Variants in CR1 observed in about 807,000 individuals in gnomAD.
CR1 encodes the protein complement C3b/C4b receptor 1 (Knops blood group).
CR1 carries 116 observed loss-of-function variants against 187.3 expected under a neutral mutation model. The observed-to-expected ratio is 0.62, with a 90% CI of 0.53 to 0.72. The LOEUF (loss-of-function observed/expected upper bound fraction) is 0.72. Ranked by LOEUF, CR1 falls within the 30% of genes least tolerant of loss-of-function variation. CR1 has a pLI of 0.00. For synonymous variants in CR1, 576 were observed against 747.1 expected (o/e 0.77, Z 3.73); for missense variants, 1,731 against 2,110.7 (o/e 0.82, Z 3.52).
intron 35 of CR1, among the ~76,000 whole-genome samples, chr1:207,591,399 C>A (rs941770318): frequency 6.6e-6 from 1 of 152,054 alleles, no homozygotes; most frequent in Non-Finnish European, 1.5e-5. Context: ...TCTTTGAAAC[C>A]GATGAAAACA....
chr1:207,628,768 T>C (rs1662558267), intron 45 of CR1, among the ~76,000 whole-genome samples: 1 of 152,236 alleles, frequency 6.6e-6, no homozygotes, highest in Admixed American at 6.5e-5. Flanking sequence ...ATATTCTTTT[T>C]CTCCCTATAT....
At chr1:207,520,189 T>A (rs1659930963) in intron 4 of CR1, among the ~76,000 whole-genome samples, 1 of 152,236 alleles carries the variant, frequency 6.6e-6, no homozygotes, top group Non-Finnish European at 1.5e-5. Context: ...CTTAATGCCC[T>A]TTCTAGTTCT....
chr1:207,631,136 T>C (rs1662634337), intron 46 of CR1, among the ~76,000 whole-genome samples: 1 of 152,194 alleles, frequency 6.6e-6, no homozygotes, highest in Non-Finnish European at 1.5e-5. Flanking sequence ...ACCTAACCTT[T>C]CATTCTACCT....
chr1:207,616,602 T>A lies in CR1; in HGVS notation c.6689T>A (p.Ile2230Asn), dbSNP rs745750052. ...EQIFCPNPPA[I>N]LNGRHTGTPF... ...ATCTTTTGTCCAAATCCTCCAGCTA[T>A]CCTTAATGGGAGACACACAGGAACT... Residue 2230 changes from isoleucine (I) to asparagine (N), a missense_variant, in exon 41 of 47, where the codon ATC becomes AAC. Physicochemically the swap from Ile to Asn is moderately radical, Grantham distance 149 (BLOSUM62 -3). Around this residue, in one of 5 missense-constraint regions of CR1, gnomAD observed 1,312 missense variants for 1,379.6 expected, o/e 0.95. Transcript: ENST00000367049. 3 of 1,613,668 alleles carry A rather than the reference T, an allele frequency of 1.9e-6. No individual in the cohort carries two copies. Among genetic ancestry groups the A allele is most frequent in the Admixed American group, 1.7e-5 (1 of 59,996 alleles).
intron 33 of CR1, among the ~76,000 whole-genome samples, chr1:207,586,587 T>A (rs942363963): frequency 6.6e-6 from 1 of 152,246 alleles, no homozygotes; most frequent in Non-Finnish European, 1.5e-5. Flanking sequence ...GAAATTGAGA[T>A]GTTGGCAGAG....
intron 35 of CR1, among the ~76,000 whole-genome samples, chr1:207,603,873 C>G (rs1571584079): frequency 6.6e-6 from 1 of 152,294 alleles, no homozygotes; most frequent in South Asian, 2.1e-4. Flanking sequence ...GAGATGAGGA[C>G]TTCACTAACT....
Position 207,617,507 on chromosome 1 carries a change from A to ATATATGTGTG in CR1, c.6890-563_6890-562insATATGTGTGT, listed in dbSNP as rs1332301171. Among the ~76,000 whole-genome samples, 21 of 47,026 alleles carry ATATATGTGTG rather than the reference A, an allele frequency of 4.5e-4. 1 individual carries two copies. The highest frequency in any genetic ancestry group is 1.4e-3 in the East Asian group (3 of 2,180). The allele number at this position is 47,026 out of a possible 152,430, so 30.9% of individuals were successfully genotyped here. A position where few individuals can be genotyped will look rare whatever the true frequency, so the allele number is the denominator to read the frequency against. On this transcript the variant is annotated intron_variant, in intron 41 of 46. Coordinates refer to ENST00000367049, the MANE Select transcript of CR1 (RefSeq NM_000651.6). ...AGTATATATATATATATATATATAT[A>ATATATGTGTG]TGTGTGTGTGTGTGTGTGTGTGTGT...
chr1:207,600,024 A>G (rs1356128802), intron 35 of CR1, among the ~76,000 whole-genome samples: 1 of 152,230 alleles, frequency 6.6e-6, no homozygotes, highest in Non-Finnish European at 1.5e-5. Flanking sequence ...GCCAGATAGC[A>G]AAATTTTCAA....
chr1:207,576,976 C>T (rs1045278135), intron 28 of CR1, among the ~76,000 whole-genome samples: 21 of 152,134 alleles, frequency 1.4e-4, no homozygotes, highest in African/African-American at 5.1e-4. Context: ...ATAGGCTAGG[C>T]ACAGTGGCTC....
At position 207,506,801 on chromosome 1, in the gene CR1, C is replaced by A; in HGVS notation, c.389C>A (p.Ser130Tyr). 6.2e-7 allele frequency: 1 copy of A among 1,612,762 alleles called. No homozygotes were observed. The highest frequency in any genetic ancestry group is 8.5e-7 in the Non-Finnish European group (1 of 1,178,984). The part of the protein sequence containing the change: ...GIQFGSQIKY[S>Y]CTKGYRLIGS... ...CAGTTCGGATCCCAAATTAAATATT[C>A]TTGTACTAAAGGGTGAGTTGGCATC... is the stretch of plus-strand genomic sequence containing the variant. The change falls in exon 3 of 47, where the codon TCT becomes TAT. Residue 130 changes from serine (S) to tyrosine (Y), a missense_variant. Ser to Tyr is a moderately radical substitution (Grantham distance 144). This residue lies in a region of CR1 where 237 missense variants were observed against 240.4 expected (regional missense o/e 0.99). Coordinates refer to ENST00000367049, the MANE Select transcript of CR1 (RefSeq NM_000651.6).
chr1:207,520,355 GTGA>G (rs1178112968), intron 4 of CR1, among the ~76,000 whole-genome samples: 1 of 152,202 alleles, frequency 6.6e-6, no homozygotes, highest in East Asian at 1.9e-4. Flanking sequence ...ATATGCTGCC[GTGA>G]CCACCTCTCA....
chr1:207,593,941 A>T (rs1661352989), intron 35 of CR1, among the ~76,000 whole-genome samples: 1 of 152,234 alleles, frequency 6.6e-6, no homozygotes, highest in South Asian at 2.1e-4. Flanking sequence ...ATCACTAAAA[A>T]GTCAGGAAAC....
chr1:207,596,485 A>G (rs1029674525), intron 35 of CR1, among the ~76,000 whole-genome samples: 1 of 152,000 alleles, frequency 6.6e-6, no homozygotes, highest in Admixed American at 6.6e-5. Flanking sequence ...GTGGTGGCGC[A>G]TGCCTGTAAT....
chr1:207,575,691 A>G lies in CR1; in HGVS notation c.4537+11A>G. 6.2e-7 allele frequency: 1 copy of G among 1,611,802 alleles called. No homozygotes were observed. Among genetic ancestry groups the G allele is most frequent in the South Asian group, 1.1e-5 (1 of 90,994 alleles). ...CGCCAATTTGTCAACGTGAGTTGAA[A>G]TCTCTTTCCCCATTCACCCCACCAT... On this transcript the variant is annotated intron_variant, in intron 28 of 46. Coordinates refer to ENST00000367049, the MANE Select transcript of CR1 (RefSeq NM_000651.6).
chr1:207,595,594 G>A (rs1257449496), intron 35 of CR1, among the ~76,000 whole-genome samples: 2 of 152,034 alleles, frequency 1.3e-5, no homozygotes, highest in South Asian at 2.1e-4. Flanking sequence ...TTCTGTACTC[G>A]GCCAAGCTGC....
rs909245410 is a variant in CR1 at position 207,641,751 on chromosome 1, T to C, written c.*2342T>C. 6.6e-6 allele frequency: 1 copy of C among 152,200 alleles called. No individual in the cohort carries two copies. The highest frequency in any genetic ancestry group is 1.5e-5 in the Non-Finnish European group (1 of 68,046). The allele number at this position is 152,200 out of a possible 1,614,324, so 9.4% of individuals were successfully genotyped here. A position where few individuals can be genotyped will look rare whatever the true frequency, so the allele number is the denominator to read the frequency against. On this transcript the variant is annotated 3_prime_UTR_variant, in exon 47 of 47. Coordinates refer to ENST00000367049, the MANE Select transcript of CR1 (RefSeq NM_000651.6). ...GTAATGAGAAAGGAATAAAATACTT[T>C]ATTTTGCAAATCTACTTATGGAATA...
At chr1:207,593,992 T>G (rs1315285990) in intron 35 of CR1, among the ~76,000 whole-genome samples, 1 of 152,224 alleles carries the variant, frequency 6.6e-6, no homozygotes, top group Non-Finnish European at 1.5e-5. Flanking sequence ...GAAATGCTTT[T>G]ACACTGTTGG....
chr1:207,510,614 C>A lies in CR1; in HGVS notation c.402-955C>A, dbSNP rs187894706. Reference sequence around the variant, plus strand: ...TTCCAAATTTATGGCACACTGTGAACAGTTTGAGACATACTAATTGAGAAT... The same window carrying A: ...TTCCAAATTTATGGCACACTGTGAAAAGTTTGAGACATACTAATTGAGAAT... On this transcript the variant is annotated intron_variant, in intron 3 of 46. Coordinates refer to ENST00000367049, the MANE Select transcript of CR1 (RefSeq NM_000651.6). 3.3e-5 allele frequency among the ~76,000 whole-genome samples: 5 copies of A among 152,262 alleles called. No individual in the cohort carries two copies. The East Asian group carries it at 9.7e-4, about 29-fold the overall frequency.
rs1372999615 is a variant in CR1, at chr1:207,617,596, TATATATATATATATATAGAG to T, written c.6890-473_6890-454del. Among the ~76,000 whole-genome samples the T allele has an allele frequency of 2.3e-3, 97 of 42,156 alleles. 1 individual carries two copies. The highest frequency in any genetic ancestry group is 0.01 in the Middle Eastern group (1 of 100). The allele number at this position is 42,156 out of a possible 152,430, so 27.7% of individuals were successfully genotyped here. On this transcript the variant is annotated intron_variant, in intron 41 of 46. Coordinates refer to ENST00000367049, the MANE Select transcript of CR1 (RefSeq NM_000651.6). ...GTGTGTGTATATATATATATATATA[TATATATATATATATATAGAG>T]AGAGAGAGAGAGAGAGAGAGAGAGA...
Sources: gnomAD v4.1 joint callset for allele counts (sites outside exome capture counted in the v4.1 genomes callset) on GRCh38, gnomAD v4.1.1 for gene constraint, gnomAD v4.1.1 regional missense constraint, MANE v1.5 for transcripts, NCBI Gene and HGNC (gene_info 2026-07-23, HGNC 2026-07-21) for gene names.